Variants in TTC23L observed in about 807,000 individuals in gnomAD.
TTC23L encodes tetratricopeptide repeat protein 23-like.
Under a neutral mutation model 48.1 loss-of-function variants are expected in TTC23L, and 42 were observed. The ratio of observed to expected loss-of-function variants is 0.87; its 90% CI spans 0.68 to 1.13. The LOEUF (loss-of-function observed/expected upper bound fraction) is 1.13. TTC23L is among the 50% of genes most tolerant of loss of function. The pLI is 0.00. For missense variants in TTC23L, 391 were observed against 421.0 expected (o/e 0.93, Z 0.62); for synonymous variants, 159 against 157.2 (o/e 1.01, Z -0.09).
chr5:34,898,488 G>A (rs1763366658), intron 10 of TTC23L, among the ~76,000 whole-genome samples: 1 of 152,108 alleles, frequency 6.6e-6, no homozygotes, highest in African/African-American at 2.4e-5. Flanking sequence ...AAGTAGGCCC[G>A]AGGCTGATTC....
the TTC23L span, chr5:34,923,330 A>C: frequency 0.26 from 249,840 of 975,174 alleles, 33,808 homozygotes; most frequent in East Asian, 0.38. Context: ...CCCAGGCTGG[A>C]CTGCAGTGGC....
chr5:34,840,608 A>G, intron 1 of TTC23L, 57 bp from the exon 2 acceptor site: 1 of 1,475,310 alleles, frequency 6.8e-7, no homozygotes, highest in Non-Finnish European at 9.5e-7. Context: ...AGAGGGGGAA[A>G]ATAGAACAGA....
At chr5:34,925,379 A>G in the TTC23L span, 1 of 1,614,072 alleles carries the variant, frequency 6.2e-7, no homozygotes, top group Non-Finnish European at 8.5e-7. Context: ...GGAGAAACCA[A>G]TAGAAATACA....
chr5:34,886,965 CCAGT>C (rs1484525475), intron 9 of TTC23L, among the ~76,000 whole-genome samples: 1 of 152,112 alleles, frequency 6.6e-6, no homozygotes, highest in Non-Finnish European at 1.5e-5. Context: ...AGGTGTTCAA[CCAGT>C]CAGTGTACTG....
rs749654773 is a variant in TTC23L at position 34,840,688 on chromosome 5, T to C, written c.17T>C (p.Ile6Thr). The C allele has an allele frequency of 1.5e-5, 25 of 1,613,914 alleles. No homozygotes were observed. The South Asian group carries it at 2.6e-4, about 17-fold the overall frequency. Residue 6 changes from isoleucine to threonine, a missense_variant, in exon 2 of 11, where the codon ATC (isoleucine) becomes ACC (threonine). Coordinates refer to ENST00000505624, the Ensembl canonical transcript of TTC23L. ...AGGAAGAAGATGCAAGCCAGCCCCATCCGTATCCCAACTGTTAGCAATGAC... is the reference window on the plus strand; with the variant it reads ...AGGAAGAAGATGCAAGCCAGCCCCACCCGTATCCCAACTGTTAGCAATGAC...
intron 8 of TTC23L, chr5:34,869,731 G>A (rs762115359): frequency 6.6e-6 from 1 of 152,096 alleles, no homozygotes; most frequent in South Asian, 2.1e-4. Context: ...ACCTTTTTGT[G>A]TATGTTATTT....
chr5:34,901,164 A>G (rs1244889944), downstream of TTC23L, among the ~76,000 whole-genome samples: 1 of 152,156 alleles, frequency 6.6e-6, no homozygotes, highest in Non-Finnish European at 1.5e-5. Flanking sequence ...TACCTTTTAA[A>G]ATGTTTAAAA....
At chr5:34,869,184 C>A (rs922918895) in intron 8 of TTC23L, 171 bp downstream of exon 8, 3 of 545,376 alleles carry the variant, frequency 5.5e-6, no homozygotes, top group Non-Finnish European at 1.0e-5. Context: ...TGATAATATA[C>A]CCCCACATTC....
At chr5:34,844,165 G>A (rs557919269) in intron 2 of TTC23L, among the ~76,000 whole-genome samples, 79 of 152,252 alleles carry the variant, frequency 5.2e-4, no homozygotes, top group African/African-American at 1.8e-3. Flanking sequence ...TTCTGATCAG[G>A]TCACATCCCC....
intron 4 of TTC23L, among the ~76,000 whole-genome samples, chr5:34,857,065 T>C (rs2150378110): frequency 6.6e-6 from 1 of 152,304 alleles, no homozygotes; most frequent in East Asian, 1.9e-4. Flanking sequence ...CACAAGAGAA[T>C]GTGAGGCTTT....
At position 34,881,618 on chromosome 5, in the gene TTC23L, GT is replaced by G. The variant is rs927883255; in HGVS notation, c.1077+1318del. Among the ~76,000 whole-genome samples, 18 of 152,052 alleles carry G rather than the reference GT, an allele frequency of 1.2e-4. No homozygotes were observed. The South Asian group carries it at 1.5e-3, about 12-fold the overall frequency. On this transcript the variant is annotated intron_variant, in intron 9 of 10. Transcript: ENST00000505624. ...AATTTATTTCCAGGAATGAAGAACA[GT>G]TTTTTTTATATCATATCTAAACATT...
chr5:34,911,697 C>A, the TTC23L span: 1 of 1,614,146 alleles, frequency 6.2e-7, no homozygotes, highest in Non-Finnish European at 8.5e-7. Context: ...AGTCCAGGGT[C>A]TCCTCAGGTT....
At chr5:34,902,595 C>T (rs1763534283), downstream of TTC23L, among the ~76,000 whole-genome samples, 1 of 152,118 alleles carries the variant, frequency 6.6e-6, no homozygotes, top group East Asian at 1.9e-4. Flanking sequence ...AACCAGTACC[C>T]AAGGTATAGT....
At chr5:34,840,016 C>G (rs1374033246) in intron 1 of TTC23L, among the ~76,000 whole-genome samples, 1 of 152,212 alleles carries the variant, frequency 6.6e-6, no homozygotes, top group Non-Finnish European at 1.5e-5. Context: ...CTCAGCCTCC[C>G]GAGTAGCTGG....
At position 34,865,098 on chromosome 5, in the gene TTC23L, A is replaced by C. The variant is rs137885298; in HGVS notation, c.662+536A>C. Among the ~76,000 whole-genome samples, 538 of 152,372 alleles carry C rather than the reference A, an allele frequency of 3.5e-3. 2 individuals carry two copies. The highest frequency in any genetic ancestry group is 0.012 in the African/African-American group (507 of 41,592). ...TCATGGAATTGGTTTAAGCCAGAAC[A>C]AGATTTAACTGTCTTGCTGTTGACT... is the stretch of plus-strand genomic sequence containing the variant. On this transcript the variant is annotated intron_variant, in intron 6 of 10. Transcript: ENST00000505624.
the TTC23L span, chr5:34,914,783 C>T: frequency 4.3e-6 from 7 of 1,614,178 alleles, no homozygotes; most frequent in Non-Finnish European, 5.9e-6. Context: ...GGCATGTTCT[C>T]GGAAATGAAT....
chr5:34,844,204 G>A (rs1193643761), intron 2 of TTC23L, among the ~76,000 whole-genome samples: 5 of 152,118 alleles, frequency 3.3e-5, no homozygotes, highest in Admixed American at 2.0e-4. Flanking sequence ...CATCAAATTA[G>A]CTTGTCTACT....
At chr5:34,889,900 G>A (rs1031387827) in intron 9 of TTC23L, among the ~76,000 whole-genome samples, 8 of 151,458 alleles carry the variant, frequency 5.3e-5, no homozygotes, top group East Asian at 2.0e-4. Context: ...GTGCAGTGGC[G>A]CGATCTTGGC....
chr5:34,852,955 A>G (rs745524583), intron 4 of TTC23L, among the ~76,000 whole-genome samples: 23 of 152,150 alleles, frequency 1.5e-4, no homozygotes, highest in Non-Finnish European at 2.2e-4. Context: ...AGATCTCATG[A>G]GATGTATTCA....
Sources: gnomAD v4.1 joint callset for allele counts (sites outside exome capture counted in the v4.1 genomes callset) on GRCh38, gnomAD v4.1.1 for gene constraint, MANE v1.5 for transcripts, NCBI Gene and HGNC (gene_info 2026-07-23, HGNC 2026-07-21) for gene names.